DENND1A: variants seen among roughly 807,000 people sequenced by gnomAD.
The protein encoded by DENND1A is DENN domain-containing protein 1A.
Under a neutral mutation model 113.7 loss-of-function variants are expected in DENND1A, and 51 were observed. The ratio of observed to expected loss-of-function variants is 0.45; its 90% CI spans 0.36 to 0.57. The LOEUF (loss-of-function observed/expected upper bound fraction) is 0.57, where lower values mean the gene tolerates loss of function less well. DENND1A is among the 20% of genes least tolerant of loss of function. The pLI is 0.00. For synonymous variants in DENND1A, 565 were observed against 570.8 expected (o/e 0.99, Z 0.14); for missense variants, 1,258 against 1,395.9 (o/e 0.90, Z 1.57).
chr9:123,445,159 A>G (rs963392234), intron 18 of DENND1A, among the ~76,000 whole-genome samples: 1 of 152,228 alleles, frequency 6.6e-6, no homozygotes, highest in African/African-American at 2.4e-5. Context: ...GTCTCTGGAC[A>G]TGAGTCTCCA....
intron 9 of DENND1A, among the ~76,000 whole-genome samples, chr9:123,644,472 T>C (rs2062203017): frequency 6.7e-6 from 1 of 148,322 alleles, no homozygotes; most frequent in African/African-American, 2.4e-5. Flanking sequence ...ACTAGTTACC[T>C]TATCCACCAG....
chr9:123,674,315 C>CTG (rs2063912869), intron 6 of DENND1A, among the ~76,000 whole-genome samples: 1 of 148,994 alleles, frequency 6.7e-6, no homozygotes, highest in Non-Finnish European at 1.5e-5. Flanking sequence ...CCATCACAAT[C>CTG]TCTCTGTCTC....
intron 1 of DENND1A, among the ~76,000 whole-genome samples, chr9:123,903,129 G>A (rs541076202): frequency 2.2e-4 from 34 of 151,436 alleles, no homozygotes; most frequent in Middle Eastern, 3.4e-3. Context: ...TCAGGAGATC[G>A]AGACCATCCC....
chr9:123,762,644 GC>G (rs1173329145), intron 4 of DENND1A, among the ~76,000 whole-genome samples: 1 of 152,234 alleles, frequency 6.6e-6, no homozygotes, highest in East Asian at 1.9e-4. Flanking sequence ...TATAGGCAGG[GC>G]CCCTGCCTTT....
At chr9:123,850,982 T>G (rs920943499) in intron 2 of DENND1A, among the ~76,000 whole-genome samples, 3 of 152,122 alleles carry the variant, frequency 2.0e-5, no homozygotes, top group Non-Finnish European at 4.4e-5. Flanking sequence ...GTAAGATGAC[T>G]GGATTTTAAA....
intron 13 of DENND1A, among the ~76,000 whole-genome samples, chr9:123,498,585 C>A (rs2052157242): frequency 6.6e-6 from 1 of 152,196 alleles, no homozygotes; most frequent in Non-Finnish European, 1.5e-5. Flanking sequence ...CCATTAAAGC[C>A]AAACACTATT....
intron 1 of DENND1A, among the ~76,000 whole-genome samples, chr9:123,919,787 C>T (rs1228391749): frequency 6.7e-6 from 1 of 149,760 alleles, no homozygotes; most frequent in African/African-American, 2.5e-5. Flanking sequence ...GTGGCTGAGG[C>T]ACGAGAATCA....
In DENND1A at chr9:123,448,944, C is replaced by T. The variant is rs115309245; in HGVS notation, c.1356+1749G>A. The stretch of plus-strand genomic sequence containing the variant: ...GACAAAGGGCCTTATTAGAGTGGTA[C>T]GTTTGGGGGCATAGGGATAATGAAG... On this transcript the variant is annotated intron_variant, in intron 18 of 23. Coordinates refer to ENST00000394215, the MANE Select transcript of DENND1A (RefSeq NM_001352964.2). Among the ~76,000 whole-genome samples, 930 of 152,286 alleles carry T rather than the reference C, an allele frequency of 6.1e-3. 13 individuals carry two copies. The highest frequency in any genetic ancestry group is 0.021 in the African/African-American group (883 of 41,556).
intron 9 of DENND1A, among the ~76,000 whole-genome samples, chr9:123,646,283 G>T (rs1177365424): frequency 6.6e-6 from 1 of 152,136 alleles, no homozygotes; most frequent in East Asian, 1.9e-4. Flanking sequence ...GACAGGTGGG[G>T]ACTGAATCCT....
chr9:123,516,792 G>A (rs1212377082), intron 13 of DENND1A, among the ~76,000 whole-genome samples: 1 of 147,008 alleles, frequency 6.8e-6, no homozygotes, highest in Non-Finnish European at 1.5e-5. Context: ...GCTGAGGCAG[G>A]AGAATCACTT....
rs200687739 is a variant in DENND1A, at chr9:123,392,236, G to GT, written c.1632-4379dup. Among the ~76,000 whole-genome samples the GT allele has an allele frequency of 9.9e-3, 1,514 of 152,260 alleles. 14 individuals are homozygous for GT. Among genetic ancestry groups the GT allele is most frequent in the South Asian group, 0.034 (164 of 4,824 alleles). On this transcript the variant is annotated intron_variant, in intron 21 of 23. Coordinates refer to ENST00000394215, the MANE Select transcript of DENND1A (RefSeq NM_001352964.2). ...AATGAGGAAGATCTGCATCTCGGGA[G>GT]TTTTTTTCATGTGTCACATCGCGTG...
chr9:123,459,273 G>A (rs1452463175), intron 13 of DENND1A, among the ~76,000 whole-genome samples: 1 of 152,202 alleles, frequency 6.6e-6, no homozygotes, highest in East Asian at 1.9e-4. Flanking sequence ...GGTGCTGGCT[G>A]GGTTCTCCAG....
chr9:123,574,634 T>C (rs1341865094), intron 12 of DENND1A, among the ~76,000 whole-genome samples: 1 of 152,154 alleles, frequency 6.6e-6, no homozygotes, highest in Non-Finnish European at 1.5e-5. Flanking sequence ...ACAGGGGTGT[T>C]AAAGGGAGAG....
At chr9:123,921,819 C>G (rs747867106) in intron 1 of DENND1A, among the ~76,000 whole-genome samples, 3 of 152,218 alleles carry the variant, frequency 2.0e-5, no homozygotes, top group Non-Finnish European at 4.4e-5. Flanking sequence ...ACTCTGCTAA[C>G]CTTGGCAAGT....
intron 5 of DENND1A, among the ~76,000 whole-genome samples, chr9:123,686,509 C>T (rs1169380757): frequency 6.6e-6 from 1 of 152,228 alleles, no homozygotes; most frequent in Non-Finnish European, 1.5e-5. Flanking sequence ...ACTCTGGCTG[C>T]CTCCCAACAA....
At chr9:123,391,229 C>T (rs1189839859) in intron 21 of DENND1A, among the ~76,000 whole-genome samples, 1 of 152,240 alleles carries the variant, frequency 6.6e-6, no homozygotes, top group Non-Finnish European at 1.5e-5. Context: ...GTGATTTCCA[C>T]AGGAGGCCTA....
intron 5 of DENND1A, among the ~76,000 whole-genome samples, chr9:123,723,120 A>T (rs2067457371): frequency 6.6e-6 from 1 of 152,224 alleles, no homozygotes; most frequent in Admixed American, 6.5e-5. Context: ...TGAGACACGG[A>T]GTCAATGGAG....
At position 123,567,593 on chromosome 9, in the gene DENND1A, C is replaced by A. The variant is rs2058125362; in HGVS notation, c.868-9898G>T. 2.6e-5 allele frequency among the ~76,000 whole-genome samples: 4 copies of A among 152,160 alleles called. No homozygotes were observed. In the South Asian group the frequency reaches 8.3e-4, roughly 32 times the overall value. ...GTTAATCATAATTAAAAATGTTTAT[C>A]AAGAGACTAACGACTTTCTTCATGA... On this transcript the variant is annotated intron_variant, in intron 12 of 23. Transcript: ENST00000394215.
chr9:123,656,219 C>G (rs945886792), intron 8 of DENND1A, among the ~76,000 whole-genome samples: 8 of 151,766 alleles, frequency 5.3e-5, no homozygotes, highest in Non-Finnish European at 1.0e-4. Flanking sequence ...GAGGAGCGCA[C>G]ACGCAGGGAA....
Sources: allele counts gnomAD v4.1 joint callset (sites outside exome capture counted in the v4.1 genomes callset), GRCh38; gene constraint gnomAD v4.1.1; transcripts MANE v1.5; gene names NCBI Gene and HGNC (gene_info 2026-07-23, HGNC 2026-07-21).